GFI1B: variants seen among roughly 807,000 people sequenced by gnomAD.
GFI1B encodes the protein zinc finger protein Gfi-1b.
GFI1B carries 20 observed loss-of-function variants against 35.3 expected under a neutral mutation model. The observed-to-expected ratio is 0.57, with a 90% confidence interval of 0.40 to 0.82. GFI1B has a LOEUF of 0.82. Ranked by LOEUF, GFI1B falls within the 40% of genes least tolerant of loss-of-function variation. GFI1B has a pLI of 0.00. For missense variants in GFI1B, 430 were observed against 446.3 expected (o/e 0.96, Z 0.33); for synonymous variants, 178 against 177.6 (o/e 1.00, Z -0.02).
intron 4 of GFI1B, 102 bp from the exon 5 acceptor site, chr9:132,988,958 AC>A: frequency 8.8e-7 from 1 of 1,136,284 alleles, no homozygotes; most frequent in South Asian, 1.3e-5. Flanking sequence ...TACTCTGTGT[AC>A]CCAGCCTTGG....
At chr9:132,962,439 A>T in intron 1 of GFI1B, 2 of 384,042 alleles carry the variant, frequency 5.2e-6, no homozygotes, top group Non-Finnish European at 1.0e-5. Flanking sequence ...CTCCTGGCCC[A>T]TAAAAGATTC....
chr9:132,948,652 G>C (rs1360251795), intron 1 of GFI1B, among the ~76,000 whole-genome samples: 1 of 152,256 alleles, frequency 6.6e-6, no homozygotes, highest in Non-Finnish European at 1.5e-5. Flanking sequence ...GCAGGATGGG[G>C]TCTGAGCTTC....
At chr9:132,967,914 G>A (rs1848472722) in intron 1 of GFI1B, among the ~76,000 whole-genome samples, 1 of 151,982 alleles carries the variant, frequency 6.6e-6, no homozygotes, top group Non-Finnish European at 1.5e-5. Context: ...CCGAGTAGCT[G>A]GGATTACATG....
chr9:132,961,659 T>C (rs989183080), intron 1 of GFI1B, among the ~76,000 whole-genome samples: 5 of 151,408 alleles, frequency 3.3e-5, no homozygotes, highest in African/African-American at 1.2e-4. Context: ...TGGTGCAATC[T>C]TGGCTCACTG....
At chr9:132,980,033 G>T (rs1964196) in intron 1 of GFI1B, among the ~76,000 whole-genome samples, 2 of 152,032 alleles carry the variant, frequency 1.3e-5, no homozygotes, top group South Asian at 4.1e-4. Context: ...TCTTGTCCTC[G>T]GAAGTATTGC....
At chr9:132,954,723 ATT>A (rs543352177) in intron 1 of GFI1B, among the ~76,000 whole-genome samples, 2 of 145,184 alleles carry the variant, frequency 1.4e-5, no homozygotes, top group African/African-American at 2.5e-5. Context: ...CATCTGGCCA[ATT>A]TTTTTTTTTT....
chr9:132,990,760 G>A, intron 6 of GFI1B, 112 bp from the exon 7 acceptor site: 1 of 894,122 alleles, frequency 1.1e-6, no homozygotes, highest in East Asian at 2.6e-5. Flanking sequence ...GGCCATGAGA[G>A]AAAACACAGG....
At chr9:132,967,575 C>T (rs533773879) in intron 1 of GFI1B, among the ~76,000 whole-genome samples, 21 of 152,232 alleles carry the variant, frequency 1.4e-4, no homozygotes, top group Admixed American at 5.2e-4. Flanking sequence ...GCAAAAATGT[C>T]CATATAGACT....
At chr9:132,982,308 C>T (rs550497926) in intron 1 of GFI1B, among the ~76,000 whole-genome samples, 15 of 152,286 alleles carry the variant, frequency 9.8e-5, no homozygotes, top group South Asian at 6.2e-4. Flanking sequence ...GTGGCTGATG[C>T]GGTCACAAGC....
intron 2 of GFI1B, 26 bp from the exon 3 acceptor site, chr9:132,987,256 A>T: frequency 1.9e-6 from 3 of 1,611,864 alleles, no homozygotes; most frequent in Non-Finnish European, 2.5e-6. Context: ...GTGGCTATTG[A>T]TGCTGATGGT....
chr9:132,982,656 G>A (rs1187024997), intron 1 of GFI1B, among the ~76,000 whole-genome samples: 2 of 150,912 alleles, frequency 1.3e-5, no homozygotes, highest in African/African-American at 4.9e-5. Flanking sequence ...AAACCAAGTG[G>A]TTGTTAATTA....
At chr9:132,949,324 TACACACACACACACACATACAC>T (rs1780037407) in intron 1 of GFI1B, among the ~76,000 whole-genome samples, 1 of 137,958 alleles carries the variant, frequency 7.2e-6, no homozygotes, top group African/African-American at 2.7e-5. Context: ...AACCCACAGA[TACACACACACACACACATACAC>T]ACACACACAC....
intron 1 of GFI1B, among the ~76,000 whole-genome samples, chr9:132,983,913 G>A (rs1200800463): frequency 2.6e-5 from 4 of 152,138 alleles, no homozygotes; most frequent in Non-Finnish European, 5.9e-5. Flanking sequence ...CTGCCCCAGG[G>A]TCCTGAGCCC....
intron 1 of GFI1B, among the ~76,000 whole-genome samples, chr9:132,967,421 A>C (rs1213522047): frequency 6.6e-6 from 1 of 152,086 alleles, no homozygotes; most frequent in African/African-American, 2.4e-5. Flanking sequence ...TTTTAGGGGG[A>C]AAAAATCATT....
intron 1 of GFI1B, among the ~76,000 whole-genome samples, chr9:132,961,848 C>T (rs139116307): frequency 3.7e-4 from 57 of 152,070 alleles, no homozygotes; most frequent in African/African-American, 1.2e-3. Flanking sequence ...GCCTCAGCCT[C>T]CCAAAGTGCT....
chr9:132,985,112 G>T (rs1848993057), intron 1 of GFI1B, among the ~76,000 whole-genome samples: 1 of 152,212 alleles, frequency 6.6e-6, no homozygotes, highest in South Asian at 2.1e-4. Flanking sequence ...CATGGGCCTG[G>T]TGTCGGCCTG....
chr9:132,972,975 G>C (rs1406853743), intron 2 of GFI1B, among the ~76,000 whole-genome samples: 1 of 152,212 alleles, frequency 6.6e-6, no homozygotes, highest in Non-Finnish European at 1.5e-5. Flanking sequence ...TACTTGGCCT[G>C]CTGCCCACTG....
chr9:132,948,996 C>G (rs1848160927), intron 1 of GFI1B, among the ~76,000 whole-genome samples: 1 of 152,224 alleles, frequency 6.6e-6, no homozygotes, highest in Non-Finnish European at 1.5e-5. Context: ...TGAGGCACAG[C>G]TCCTGCTGCG....
At chr9:132,983,290 G>A (rs653991) in intron 1 of GFI1B, among the ~76,000 whole-genome samples, 31,344 of 144,842 alleles carry the variant, frequency 0.22, 3,746 homozygotes, top group East Asian at 0.37. Flanking sequence ...TCCGCCTCCC[G>A]GGTTCAAGCG....
Sources: allele counts gnomAD v4.1 joint callset (sites outside exome capture counted in the v4.1 genomes callset), GRCh38; gene constraint gnomAD v4.1.1; transcripts MANE v1.5; gene names NCBI Gene and HGNC (gene_info 2026-07-23, HGNC 2026-07-21).